Variants in GTF2E2 observed in about 807,000 individuals in gnomAD.
GTF2E2 encodes the protein transcription initiation factor IIE subunit beta.
A neutral mutation model predicts 40.5 loss-of-function variants in GTF2E2; 21 were observed. That is an observed-to-expected ratio of 0.52 (90% CI 0.37 to 0.75). The LOEUF is 0.75. GTF2E2 is among the 30% of genes least tolerant of loss of function. The pLI, the probability that GTF2E2 is intolerant of heterozygous loss-of-function variation, is 0.00. For missense variants in GTF2E2, 298 were observed against 338.4 expected (o/e 0.88, Z 0.94); for synonymous variants, 117 against 121.6 (o/e 0.96, Z 0.25).
intron 2 of GTF2E2, chr8:30,645,494 G>A (rs1802036077): frequency 2.0e-6 from 3 of 1,535,620 alleles, no homozygotes; most frequent in Non-Finnish European, 1.7e-6. Context: ...CTTGACTGCT[G>A]CTGCTGTGTA....
chr8:30,589,663 G>A (rs534756496), intron 6 of GTF2E2, among the ~76,000 whole-genome samples: 6 of 152,336 alleles, frequency 3.9e-5, no homozygotes, highest in African/African-American at 1.2e-4. Flanking sequence ...TGAGAATTCT[G>A]TCACTACCAC....
At chr8:30,600,704 T>C (rs1829152900) in intron 6 of GTF2E2, among the ~76,000 whole-genome samples, 1 of 152,206 alleles carries the variant, frequency 6.6e-6, no homozygotes, top group Admixed American at 6.5e-5. Context: ...ATGAATAAGC[T>C]TCTGACTTAA....
Position 30,600,293 on chromosome 8 carries a change from GATAA to G in GTF2E2, c.643+6760_643+6763del, listed in dbSNP as rs537999026. 3.8e-4 allele frequency among the ~76,000 whole-genome samples: 58 copies of G among 152,298 alleles called. No homozygotes were observed. In the South Asian group the frequency reaches 7.0e-3, roughly 18 times the overall value. Reference sequence around the variant, plus strand: ...AAAACCAGTGAGTCAGTGACAGATGGATAAATAAATAACCAGGTTAAGTAGGATT... The same window carrying G: ...AAAACCAGTGAGTCAGTGACAGATGGATAAATAACCAGGTTAAGTAGGATT... On this transcript the variant is annotated intron_variant, in intron 6 of 7. Transcript: ENST00000355904.
intron 4 of GTF2E2, 52 bp downstream of exon 4, chr8:30,614,556 A>C (rs1353817565): frequency 9.5e-7 from 1 of 1,056,610 alleles, no homozygotes. Flanking sequence ...TTAAAAAAAA[A>C]AGAAAATTCT....
chr8:30,591,773 G>GGT (rs1312026933), intron 6 of GTF2E2, among the ~76,000 whole-genome samples: 2 of 151,986 alleles, frequency 1.3e-5, no homozygotes, highest in Admixed American at 6.6e-5. Flanking sequence ...TCTACTCCTA[G>GGT]GTATATACCT....
intron 5 of GTF2E2, among the ~76,000 whole-genome samples, chr8:30,609,905 C>T (rs1165148861): frequency 6.6e-6 from 1 of 152,166 alleles, no homozygotes; most frequent in Non-Finnish European, 1.5e-5. Context: ...CCTGTTTCCC[C>T]TTCACCTTCT....
At chr8:30,587,975 C>G (rs1389858084) in intron 6 of GTF2E2, among the ~76,000 whole-genome samples, 1 of 150,538 alleles carries the variant, frequency 6.6e-6, no homozygotes, top group Non-Finnish European at 1.5e-5. Context: ...TGATTTCCAA[C>G]TGGGGCAGAG....
At chr8:30,602,883 C>T (rs1829222300) in intron 6 of GTF2E2, among the ~76,000 whole-genome samples, 1 of 152,162 alleles carries the variant, frequency 6.6e-6, no homozygotes. Flanking sequence ...CTTACAGTCC[C>T]ACACGTGGAC....
intron 6 of GTF2E2, among the ~76,000 whole-genome samples, chr8:30,594,134 G>C (rs1828927905): frequency 6.6e-6 from 1 of 152,082 alleles, no homozygotes; most frequent in Admixed American, 6.5e-5. Context: ...GTTTCACCAT[G>C]TTGGCTAGGC....
chr8:30,578,952 T>C lies in GTF2E2; in HGVS notation c.845A>G (p.Lys282Arg), dbSNP rs141953164. The stretch of plus-strand genomic sequence containing the variant: ...GCTGGAAGTAATGTCAGAGTAATCC[T>C]TCAGCACTCCAGCCAAGTGTTCGTT... ...THNEHLAGVL[K>R]DYSDITSSK Residue 282 changes from lysine (K) to arginine (R), a missense_variant, in exon 8 of 8, where the codon AAG becomes AGG. Transcript: ENST00000355904. 6.3e-6 allele frequency: 10 copies of C among 1,599,124 alleles called. No homozygotes were observed. The African/African-American group carries it at 1.1e-4, about 17-fold the overall frequency.
chr8:30,630,380 A>T (rs1370994269), intron 3 of GTF2E2, among the ~76,000 whole-genome samples: 1 of 152,142 alleles, frequency 6.6e-6, no homozygotes, highest in Non-Finnish European at 1.5e-5. Flanking sequence ...CACTGTACCT[A>T]TCTAATGCCT....
intron 7 of GTF2E2, 47 bp from the exon 8 acceptor site, chr8:30,579,084 G>C: frequency 3.0e-6 from 3 of 986,678 alleles, no homozygotes; most frequent in Non-Finnish European, 4.9e-6. Context: ...TGCTCTGAGG[G>C]GTGGTGTGGC....
chr8:30,583,080 T>A (rs1828557885), intron 6 of GTF2E2, among the ~76,000 whole-genome samples: 1 of 152,188 alleles, frequency 6.6e-6, no homozygotes, highest in Non-Finnish European at 1.5e-5. Context: ...ATGCCTGTAA[T>A]CCCAGCACTT....
At chr8:30,653,646 T>G in intron 1 of GTF2E2, 44 bp from the exon 2 acceptor site, 3 of 1,389,126 alleles carry the variant, frequency 2.2e-6, no homozygotes, top group Non-Finnish European at 3.0e-6. Flanking sequence ...TTCAAGTCAC[T>G]CAAACCTGCA....
chr8:30,583,806 ATTTAT>A (rs1473171438), intron 6 of GTF2E2, among the ~76,000 whole-genome samples: 4 of 151,216 alleles, frequency 2.6e-5, no homozygotes, highest in Non-Finnish European at 4.4e-5. Flanking sequence ...TATTTTATTT[ATTTAT>A]TTTATTTATT....
intron 2 of GTF2E2, among the ~76,000 whole-genome samples, chr8:30,641,290 C>G (rs1358981803): frequency 6.6e-6 from 1 of 152,192 alleles, no homozygotes; most frequent in Admixed American, 6.5e-5. Context: ...TTAGACACTT[C>G]CAGCAAAGCA....
At chr8:30,645,289 G>T in intron 2 of GTF2E2, 1 of 1,524,962 alleles carries the variant, frequency 6.6e-7, no homozygotes, top group East Asian at 2.4e-5. Context: ...AGATTCAAAA[G>T]AGCAAGTGGA....
chr8:30,654,383 A>AT (rs1178706683), intron 1 of GTF2E2, among the ~76,000 whole-genome samples: 1 of 152,138 alleles, frequency 6.6e-6, no homozygotes, highest in African/African-American at 2.4e-5. Context: ...AATTTCACCA[A>AT]TTTTTCTTTT....
chr8:30,581,579 C>A (rs1204802370), intron 6 of GTF2E2, among the ~76,000 whole-genome samples: 1 of 152,186 alleles, frequency 6.6e-6, no homozygotes, highest in Non-Finnish European at 1.5e-5. Context: ...AAATCTACTA[C>A]AAAGAATTCA....
Sources: allele counts gnomAD v4.1 joint callset (sites outside exome capture counted in the v4.1 genomes callset), GRCh38; gene constraint gnomAD v4.1.1; transcripts MANE v1.5; gene names NCBI Gene and HGNC (gene_info 2026-07-23, HGNC 2026-07-21).